Variants in CFAP46 observed in about 807,000 individuals in gnomAD.
The protein encoded by CFAP46 is cilia and flagella associated protein 46, also known as cilia- and flagella-associated protein 46.
CFAP46 carries 245 observed loss-of-function variants against 325.7 expected under a neutral mutation model. That is an observed-to-expected ratio of 0.75 (90% CI 0.68 to 0.84). The LOEUF (loss-of-function observed/expected upper bound fraction) is 0.84. CFAP46 is among the 40% of genes least tolerant of loss of function. CFAP46 has a pLI of 0.00. For missense variants in CFAP46, 3,346 were observed against 3,543.0 expected, an observed-to-expected ratio of 0.94 and a Z score of 1.41; for synonymous variants, 1,523 against 1,495.9, an observed-to-expected ratio of 1.02 and a Z score of -0.42.
intron 3 of CFAP46, 131 bp from the exon 4 acceptor site, chr10:132,941,191 CGGTGTGGCAG>C: frequency 1.1e-6 from 1 of 886,488 alleles, no homozygotes; most frequent in Non-Finnish European, 1.8e-6. Flanking sequence ...CCACAGGTGA[CGGTGTGGCAG>C]ACACAGCCTG....
In CFAP46 at chr10:132,857,685, G is replaced by C. The variant is rs759638149; in HGVS notation, c.5479C>G (p.His1827Asp). 7.4e-6 allele frequency: 12 copies of C among 1,613,744 alleles called. No homozygotes were observed. In the South Asian group the frequency reaches 1.3e-4, roughly 18 times the overall value. ...GAVAEEEGRL[H>D]SIQGLYGLAQ... ...AGGCCATATAAGCCCTGGATGCTGT[G>C]AAGCCTCCCTTCTTCCTCAGCTACG... The change falls in exon 39 of 58, where the codon CAC becomes GAC. Residue 1827 changes from histidine to aspartate, a missense_variant. Coordinates refer to ENST00000368586, the MANE Select transcript of CFAP46 (RefSeq NM_001200049.3).
chr10:132,889,872 C>T lies in CFAP46; in HGVS notation c.3304+2461G>A, dbSNP rs922319065. Among the ~76,000 whole-genome samples, 5 of 152,184 alleles carry T rather than the reference C, an allele frequency of 3.3e-5. No individual in the cohort carries two copies. Among genetic ancestry groups the T allele is most frequent in the Admixed American group, 3.3e-4 (5 of 15,278 alleles). ...GTCCCGCCTGATTAAAGTATTGATG[C>T]GGCCTGGACGCTAAGCATTTAGCTG... On this transcript the variant is annotated intron_variant, in intron 25 of 57. Coordinates refer to ENST00000368586, the MANE Select transcript of CFAP46 (RefSeq NM_001200049.3). This position sits in a 1 kb window ranked among gnomAD's most constrained non-coding sequence, Gnocchi z 6.0.
chr10:132,923,092 G>A (rs937652349), intron 11 of CFAP46, among the ~76,000 whole-genome samples: 4 of 152,234 alleles, frequency 2.6e-5, no homozygotes, highest in African/African-American at 7.2e-5. Context: ...AGGGTCTGGA[G>A]AGGAAGGGCC....
At chr10:132,815,327 C>A (rs1022013839) in intron 50 of CFAP46, among the ~76,000 whole-genome samples, 1 of 152,156 alleles carries the variant, frequency 6.6e-6, no homozygotes, top group Non-Finnish European at 1.5e-5. Context: ...GAAGGATGGC[C>A]ACTTCCCTCC....
Position 132,909,163 on chromosome 10 carries a change from C to G in CFAP46, c.2731G>C (p.Asp911His). The G allele has an allele frequency of 6.5e-7, 1 of 1,549,920 alleles. No homozygotes were observed. Among genetic ancestry groups the G allele is most frequent in the East Asian group, 2.4e-5 (1 of 40,904 alleles). Residue 911 changes from aspartate to histidine, a missense_variant, in exon 21 of 58, where the codon GAC (aspartate) becomes CAC (histidine). Asp to His is a moderately conservative substitution (Grantham distance 81). Transcript: ENST00000368586. ...MYSCNGLGLMDFTVPSLAQLV... is the reference protein window; with the variant it reads ...MYSCNGLGLMHFTVPSLAQLV... ...TGGGCCAGGGAGGGGACAGTGAAGT[C>G]CATGAGGCCCAGCCCGTTGCATGAG... is the stretch of plus-strand genomic sequence containing the variant.
rs1035353334 is a variant in CFAP46 at position 132,839,974 on chromosome 10, C to T, written c.6439-3060G>A. Among the ~76,000 whole-genome samples, 3 of 152,154 alleles carry T rather than the reference C, an allele frequency of 2.0e-5. No individual in the cohort carries two copies. In the East Asian group the frequency reaches 5.8e-4, roughly 29 times the overall value. ...GTCCCTGCTAAGTTTCTAGTGTCAACGTTCATCTGGCCTCTTAGTAAAAGA... is the reference window on the plus strand; with the variant it reads ...GTCCCTGCTAAGTTTCTAGTGTCAATGTTCATCTGGCCTCTTAGTAAAAGA... On this transcript the variant is annotated intron_variant, in intron 44 of 57. Transcript: ENST00000368586.
chr10:132,880,916 G>C lies in CFAP46; in HGVS notation c.3744C>G (p.Ile1248Met). 6.5e-7 allele frequency: 1 copy of C among 1,550,356 alleles called. No individual in the cohort carries two copies. The highest frequency in any genetic ancestry group is 8.7e-7 in the Non-Finnish European group (1 of 1,146,918). Residue 1248 changes from isoleucine to methionine, a missense_variant, in exon 28 of 58, where the codon ATC becomes ATG. By Grantham distance (10) the Ile-to-Met change is conservative (BLOSUM62 1). Transcript: ENST00000368586. ...VVFHLRWAVE[I>M]LLAMKPPGDV... The stretch of plus-strand genomic sequence containing the variant: ...CGCCGGGCGGCTTCATGGCCAGCAG[G>C]ATCTCGACAGCCCAGCGGAGGTGGA...
chr10:132,942,516 G>A lies in CFAP46; in HGVS notation c.-32C>T, dbSNP rs1028461433. Reference sequence around the variant, plus strand: ...GGCGCCCTGCTCGTCCGCTCTCTCCGGGGTCCGCGGTGCGTCCTGCCGCCC... The same window carrying A: ...GGCGCCCTGCTCGTCCGCTCTCTCCAGGGTCCGCGGTGCGTCCTGCCGCCC... On this transcript the variant is annotated 5_prime_UTR_variant, in exon 1 of 58. Coordinates refer to ENST00000368586, the MANE Select transcript of CFAP46 (RefSeq NM_001200049.3). 1.2e-4 allele frequency: 149 copies of A among 1,259,090 alleles called. No individual in the cohort carries two copies. Among genetic ancestry groups the A allele is most frequent in the Non-Finnish European group, 1.5e-4 (149 of 1,003,132 alleles). 78.0% of individuals were successfully genotyped at this position (1,259,090 alleles called of 1,614,324 possible).
At chr10:132,862,225 G>T (rs1357191130) in intron 35 of CFAP46, among the ~76,000 whole-genome samples, 1 of 152,206 alleles carries the variant, frequency 6.6e-6, no homozygotes, top group Admixed American at 6.5e-5. Flanking sequence ...GAGGGAAGAG[G>T]GGGAGGCCCT....
In CFAP46 at chr10:132,867,215, A is replaced by C. The variant is rs11146554; in HGVS notation, c.4743+160T>G. Among the ~76,000 whole-genome samples the C allele has an allele frequency of 0.046, 5,556 of 120,808 alleles. 1,230 individuals carry two copies. Among genetic ancestry groups the C allele is most frequent in the African/African-American group, 0.12 (3,325 of 27,564 alleles). 79.3% of individuals were successfully genotyped at this position (120,808 alleles called of 152,430 possible). A position where few individuals can be genotyped will look rare whatever the true frequency, so the allele number is the denominator to read the frequency against. ...CGGCCCCTCACACACTGACACACACACAGGCCGGCCCCTCACACACTGACA... is the reference window on the plus strand; with the variant it reads ...CGGCCCCTCACACACTGACACACACCCAGGCCGGCCCCTCACACACTGACA... On this transcript the variant is annotated intron_variant, in intron 34 of 57. Coordinates refer to ENST00000368586, the MANE Select transcript of CFAP46 (RefSeq NM_001200049.3).
Position 132,876,748 on chromosome 10 carries a change from G to C in CFAP46, c.4362+64C>G, listed in dbSNP as rs1051696176. The C allele has an allele frequency of 6.8e-7, 1 of 1,470,714 alleles. No individual in the cohort carries two copies. The highest frequency in any genetic ancestry group is 9.1e-7 in the Non-Finnish European group (1 of 1,102,114). The allele number at this position is 1,470,714 out of a possible 1,614,324, so 91.1% of individuals were successfully genotyped here. A position where few individuals can be genotyped will look rare whatever the true frequency, so the allele number is the denominator to read the frequency against. On this transcript the variant is annotated intron_variant, in intron 31 of 57. Transcript: ENST00000368586. The surrounding 1 kb of genome is among the most constrained non-coding windows in gnomAD (Gnocchi z 4.1). ...AGTTCACAGTGAAAACTGGACTTGG[G>C]GACAGGTCAAGGGGACACCATGCTG...
At position 132,922,141 on chromosome 10, in the gene CFAP46, C is replaced by G. The variant is rs779271133; in HGVS notation, c.1569G>C (p.Ala523=). The G allele has an allele frequency of 6.4e-7, 1 of 1,550,392 alleles. No homozygotes were observed. The highest frequency in any genetic ancestry group is 2.0e-5 in the Admixed American group (1 of 51,008). The part of the protein sequence containing the change: ...VNAGLALAPD[A]FQIVLDSENE... Reference sequence around the variant, plus strand: ...TCTCACTGTCCAGCACAATCTGAAACGCGTCAGGGGCTAAGGCCAGGCCTG... The same window carrying G: ...TCTCACTGTCCAGCACAATCTGAAAGGCGTCAGGGGCTAAGGCCAGGCCTG... The change falls in exon 13 of 58, where the codon GCG becomes GCC. Residue 523 remains alanine (A), a synonymous_variant. Coordinates refer to ENST00000368586, the MANE Select transcript of CFAP46 (RefSeq NM_001200049.3).
chr10:132,861,029 TGCAG>T lies in CFAP46; in HGVS notation c.4891-51_4891-48del, dbSNP rs1217070039. On this transcript the variant is annotated intron_variant, in intron 35 of 57. Transcript: ENST00000368586. Reference sequence around the variant, plus strand: ...ATGCTTGGGTTCCTCTACAGATGTGTGCAGGCAGGGAGACAGGAGCAGGCAGAGA... The same window carrying T: ...ATGCTTGGGTTCCTCTACAGATGTGTGCAGGGAGACAGGAGCAGGCAGAGA... 5.2e-6 allele frequency: 8 copies of T among 1,527,168 alleles called. No individual in the cohort carries two copies. The African/African-American group carries it at 6.9e-5, about 13-fold the overall frequency. 94.6% of individuals were successfully genotyped at this position (1,527,168 alleles called of 1,614,324 possible). A position where few individuals can be genotyped will look rare whatever the true frequency, so the allele number is the denominator to read the frequency against.
In CFAP46 at chr10:132,877,922, T is replaced by G. The variant is rs562011352; in HGVS notation, c.4171A>C (p.Lys1391Gln). ...ACTTTCTCCTCCTTTCCCTTCTCCT[T>G]GTCCTTCTCTTTACTCCTCTCATTC... is the stretch of plus-strand genomic sequence containing the variant. ...KENERSKEKD[K>Q]EKGKEEKVKE... is the part of the protein sequence containing the mutation. The change falls in exon 30 of 58, where the codon AAG (lysine) becomes CAG (glutamine). Residue 1391 changes from lysine to glutamine, a missense_variant. Lys to Gln is a moderately conservative substitution (Grantham distance 53). Coordinates refer to ENST00000368586, the MANE Select transcript of CFAP46 (RefSeq NM_001200049.3). This position sits in a 1 kb window ranked among gnomAD's most constrained non-coding sequence, Gnocchi z 5.7. 3.2e-6 allele frequency: 5 copies of G among 1,550,536 alleles called. No individual in the cohort carries two copies. In the South Asian group the frequency reaches 5.9e-5, roughly 18 times the overall value.
chr10:132,817,124 CA>C lies in CFAP46; in HGVS notation c.7118-2211del, dbSNP rs1302213475. ...AAAATCTCCCAGCGTTGGGGCTGGC[CA>C]ACGGCTGCACCCCGCGGTTTTTGCT... is the stretch of plus-strand genomic sequence containing the variant. On this transcript the variant is annotated intron_variant, in intron 50 of 57. Coordinates refer to ENST00000368586, the MANE Select transcript of CFAP46 (RefSeq NM_001200049.3). The surrounding 1 kb of genome is among the most constrained non-coding windows in gnomAD (Gnocchi z 4.4). Among the ~76,000 whole-genome samples, 1 of 152,124 alleles carries C rather than the reference CA, an allele frequency of 6.6e-6. No homozygotes were observed. The highest frequency in any genetic ancestry group is 1.5e-5 in the Non-Finnish European group (1 of 68,028).
intron 8 of CFAP46, among the ~76,000 whole-genome samples, chr10:132,933,888 G>C (rs1175481940): frequency 6.6e-6 from 1 of 152,220 alleles, no homozygotes; most frequent in Non-Finnish European, 1.5e-5. Flanking sequence ...CCCCAGACCA[G>C]TCAACACTGT....
chr10:132,845,108 C>T (rs1848412424), intron 44 of CFAP46, among the ~76,000 whole-genome samples: 1 of 152,218 alleles, frequency 6.6e-6, no homozygotes, highest in Admixed American at 6.5e-5. Context: ...GCTTGCCATG[C>T]ACACCCTCCT....
In CFAP46 at chr10:132,869,815, C is replaced by T. The variant is rs1848871916; in HGVS notation, c.4512-443G>A. Among the ~76,000 whole-genome samples, 1 of 152,246 alleles carries T rather than the reference C, an allele frequency of 6.6e-6. No individual in the cohort carries two copies. ...CCTCTTAGCCCCGTGACCACGCCTGCTCCAGCCTCCTCTCCCGTGCCCGCC... is the reference window on the plus strand; with the variant it reads ...CCTCTTAGCCCCGTGACCACGCCTGTTCCAGCCTCCTCTCCCGTGCCCGCC... On this transcript the variant is annotated intron_variant, in intron 32 of 57. Transcript: ENST00000368586. The surrounding 1 kb of genome is among the most constrained non-coding windows in gnomAD (Gnocchi z 6.2).
At chr10:132,893,897 C>T (rs183678299) in intron 24 of CFAP46, among the ~76,000 whole-genome samples, 69 of 151,556 alleles carry the variant, frequency 4.6e-4, no homozygotes, top group East Asian at 1.4e-3. Flanking sequence ...GCAGGTAACA[C>T]GCTTTGAGGT....
Sources: allele counts gnomAD v4.1 joint callset (sites outside exome capture counted in the v4.1 genomes callset), GRCh38; gene constraint gnomAD v4.1.1; non-coding constraint Gnocchi (gnomAD v3.1); transcripts MANE v1.5; gene names NCBI Gene and HGNC (gene_info 2026-07-23, HGNC 2026-07-21).